The following PALLD variants were observed in gnomAD, a reference collection of about 807,000 sequenced individuals.
The protein encoded by PALLD is palladin, cytoskeletal associated protein.
PALLD carries 61 observed loss-of-function variants against 123.5 expected under a neutral mutation model. That is an observed-to-expected ratio of 0.49 (90% CI 0.40 to 0.61). The LOEUF is 0.61. PALLD is among the 20% of genes least tolerant of loss of function. The pLI is 0.00. For missense variants in PALLD, 1,273 were observed against 1,377.0 expected, an observed-to-expected ratio of 0.92 and a Z score of 1.20; for synonymous variants, 465 against 496.4, an observed-to-expected ratio of 0.94 and a Z score of 0.84.
At chr4:168,715,863 T>A (rs1472047646) in intron 10 of PALLD, among the ~76,000 whole-genome samples, 2 of 151,778 alleles carry the variant, frequency 1.3e-5, no homozygotes, top group Admixed American at 1.3e-4. Context: ...GGCAGGAGAA[T>A]GGCGTGAACC....
chr4:168,819,842 A>G (rs1742470946), intron 10 of PALLD, among the ~76,000 whole-genome samples: 4 of 152,248 alleles, frequency 2.6e-5, no homozygotes, highest in Admixed American at 2.6e-4. Context: ...AGAATGTTAA[A>G]TGTAATCTCA....
intron 2 of PALLD, among the ~76,000 whole-genome samples, chr4:168,567,819 G>A (rs959598166): frequency 2.6e-5 from 4 of 151,702 alleles, no homozygotes; most frequent in Non-Finnish European, 5.9e-5. Context: ...TGGGAGGGGG[G>A]ATGAAAAATT....
At chr4:168,863,991 G>A (rs1270871596) in intron 10 of PALLD, 1 of 152,180 alleles carries the variant, frequency 6.6e-6, no homozygotes, top group African/African-American at 2.4e-5. Flanking sequence ...GACAAGTTAG[G>A]AACAGAAGTG....
rs188891281 is a variant in PALLD at position 168,766,547 on chromosome 4, T to C, written c.1964+54624T>C. Among the ~76,000 whole-genome samples the C allele has an allele frequency of 5.3e-5, 8 of 152,282 alleles. No individual in the cohort carries two copies. The East Asian group carries it at 5.8e-4, about 11-fold the overall frequency. On this transcript the variant is annotated intron_variant, in intron 10 of 21. Coordinates refer to ENST00000505667, the MANE Select transcript of PALLD (RefSeq NM_001166108.2). ...GGCAGGCGGTTGTCCAGCCTGTGAA[T>C]GGACACATGCAGAGACGGAGAGCCT...
chr4:168,525,509 T>C (rs1036604220), intron 2 of PALLD, among the ~76,000 whole-genome samples: 1 of 152,226 alleles, frequency 6.6e-6, no homozygotes, highest in East Asian at 1.9e-4. Context: ...TCAGTTTCAC[T>C]GACTGAACAT....
chr4:168,736,613 T>C (rs1037080918), intron 10 of PALLD, among the ~76,000 whole-genome samples: 1 of 152,168 alleles, frequency 6.6e-6, no homozygotes, highest in African/African-American at 2.4e-5. Context: ...GGAATCCTCA[T>C]GGAGACCAGG....
chr4:168,887,910 G>C (rs1429928848), intron 10 of PALLD, among the ~76,000 whole-genome samples: 1 of 152,096 alleles, frequency 6.6e-6, no homozygotes, highest in Non-Finnish European at 1.5e-5. Context: ...TCTGTTAACA[G>C]CACTGTGATT....
chr4:168,578,665 T>C (rs1769901947), intron 2 of PALLD, among the ~76,000 whole-genome samples: 1 of 152,044 alleles, frequency 6.6e-6, no homozygotes, highest in Admixed American at 6.6e-5. Context: ...GGAAAATGTT[T>C]TACATGTGAA....
intron 10 of PALLD, among the ~76,000 whole-genome samples, chr4:168,771,597 T>C (rs1407742472): frequency 6.6e-6 from 1 of 152,178 alleles, no homozygotes; most frequent in East Asian, 1.9e-4. Flanking sequence ...AAGCAGGGCA[T>C]CAGTGTGATG....
intron 2 of PALLD, among the ~76,000 whole-genome samples, chr4:168,616,569 G>A (rs547686825): frequency 2.0e-5 from 3 of 152,148 alleles, no homozygotes; most frequent in African/African-American, 7.2e-5. Flanking sequence ...CTCATACCTC[G>A]GCCTCTCTAC....
intron 10 of PALLD, among the ~76,000 whole-genome samples, chr4:168,748,094 A>T (rs761200159): frequency 6.6e-6 from 1 of 152,384 alleles, no homozygotes; most frequent in Non-Finnish European, 1.5e-5. Flanking sequence ...CAAAGGTTTC[A>T]GTATTCTAAA....
At chr4:168,520,347 A>G (rs111244092) in intron 2 of PALLD, among the ~76,000 whole-genome samples, 7,531 of 83,878 alleles carry the variant, frequency 0.09, 461 homozygotes, top group Non-Finnish European at 0.11. Context: ...AAAAAAAAAA[A>G]AGAGAGAGAG....
chr4:168,651,003 T>G (rs1270013319), intron 2 of PALLD, among the ~76,000 whole-genome samples: 1 of 152,154 alleles, frequency 6.6e-6, no homozygotes, highest in East Asian at 1.9e-4. Context: ...GAAAATCAGA[T>G]TTTGCTCACA....
Position 168,925,003 on chromosome 4 carries a change from G to C in PALLD, c.3283G>C (p.Asp1095His), listed in dbSNP as rs765135925. 1.9e-6 allele frequency: 3 copies of C among 1,614,024 alleles called. No homozygotes were observed. In the African/African-American group the frequency reaches 4.0e-5, roughly 22 times the overall value. Residue 1095 changes from aspartate (D) to histidine (H), a missense_variant, in exon 20 of 22, where the codon GAT becomes CAT. This residue lies in a region of PALLD where 329 missense variants were observed against 422.5 expected (regional missense o/e 0.78). Transcript: ENST00000505667. ...GCTCATTCAGGGAGCCACAAAAGAA[G>C]ATGCTGGGTGGTATACTGTGTCAGC... ...CLLIQGATKE[D>H]AGWYTVSAKN...
At chr4:168,570,727 T>A (rs141363281) in intron 2 of PALLD, among the ~76,000 whole-genome samples, 1 of 152,168 alleles carries the variant, frequency 6.6e-6, no homozygotes, top group Admixed American at 6.6e-5. Flanking sequence ...GAGGGACATT[T>A]TTTTATAGTC....
rs147474708 is a variant in PALLD, at chr4:168,759,202, AATATATATATATATATAT to A, written c.1964+47305_1964+47322del. ...CTCAAAAAAAAAAAAAAAAAAAAAA[AATATATATATATATATAT>A]ATATATATATATATATATATATATA... On this transcript the variant is annotated intron_variant, in intron 10 of 21. Transcript: ENST00000505667. Among the ~76,000 whole-genome samples the A allele has an allele frequency of 1.5e-3, 34 of 22,272 alleles. 1 individual carries two copies. The highest frequency in any genetic ancestry group is 3.9e-3 in the African/African-American group (27 of 6,886). The allele number at this position is 22,272 out of a possible 152,430, so 14.6% of individuals were successfully genotyped here. A position where few individuals can be genotyped will look rare whatever the true frequency, so the allele number is the denominator to read the frequency against.
At chr4:168,833,892 TGTGTGA>T (rs1380784405) in intron 10 of PALLD, among the ~76,000 whole-genome samples, 1 of 150,162 alleles carries the variant, frequency 6.7e-6, no homozygotes, top group Non-Finnish European at 1.5e-5. Flanking sequence ...CCTATGCCTT[TGTGTGA>T]GTGTAAGATT....
At chr4:168,848,068 CA>C in intron 10 of PALLD, among the ~76,000 whole-genome samples, 1 of 152,176 alleles carries the variant, frequency 6.6e-6, no homozygotes, top group African/African-American at 2.4e-5. Flanking sequence ...AAACTGAGCC[CA>C]GGGGGTGCTA....
intron 3 of PALLD, among the ~76,000 whole-genome samples, 186 bp from the exon 4 acceptor site, chr4:168,681,146 A>T (rs1781512355): frequency 1.3e-5 from 2 of 152,216 alleles, no homozygotes; most frequent in South Asian, 2.1e-4. Flanking sequence ...AGTACTTTTT[A>T]AAAATGAGTT....
Sources: gnomAD v4.1 joint callset for allele counts (sites outside exome capture counted in the v4.1 genomes callset) on GRCh38, gnomAD v4.1.1 for gene constraint, gnomAD v4.1.1 regional missense constraint, MANE v1.5 for transcripts, NCBI Gene and HGNC (gene_info 2026-07-23, HGNC 2026-07-21) for gene names.